CPEB3: variants seen among roughly 807,000 people sequenced by gnomAD.
The protein encoded by CPEB3 is cytoplasmic polyadenylation element binding protein 3, also known as cytoplasmic polyadenylation element-binding protein 3.
A neutral mutation model predicts 67.2 loss-of-function variants in CPEB3; 20 were observed. That is an observed-to-expected ratio of 0.30 (90% confidence interval 0.21 to 0.43). The LOEUF is 0.43. Among genes scored for constraint, CPEB3 ranks in the 20% least tolerant of loss-of-function variants. The pLI is 1.00. For missense variants in CPEB3, 746 were observed against 968.6 expected (o/e 0.77, Z 3.05); for synonymous variants, 376 against 393.1 (o/e 0.96, Z 0.51).
chr10:92,081,651 AC>A (rs1843158200), intron 8 of CPEB3, 150 bp from the exon 9 acceptor site: 6 of 711,218 alleles, frequency 8.4e-6, no homozygotes, highest in Non-Finnish European at 1.4e-5. Flanking sequence ...CACCAGTCTT[AC>A]AACTCAAGTA....
intron 4 of CPEB3, among the ~76,000 whole-genome samples, chr10:92,162,715 T>G (rs1319209547): frequency 6.6e-6 from 1 of 152,214 alleles, no homozygotes; most frequent in East Asian, 1.9e-4. Flanking sequence ...GGTACTTTGC[T>G]GGGCACATGA....
intron 7 of CPEB3, among the ~76,000 whole-genome samples, chr10:92,093,594 C>G (rs751993782): frequency 1.3e-5 from 2 of 151,544 alleles, no homozygotes; most frequent in Non-Finnish European, 2.9e-5. Flanking sequence ...CTCCACCCCC[C>G]AGGTTCAAGA....
At chr10:92,143,206 T>A in intron 5 of CPEB3, 88 bp from the exon 6 acceptor site, 1 of 991,018 alleles carries the variant, frequency 1.0e-6, no homozygotes, top group Middle Eastern at 2.4e-4. Flanking sequence ...CTTTTTAGTT[T>A]AAAAAAATGT....
At chr10:92,058,108 A>C (rs919495024) in intron 9 of CPEB3, among the ~76,000 whole-genome samples, 1 of 152,216 alleles carries the variant, frequency 6.6e-6, no homozygotes, top group Non-Finnish European at 1.5e-5. Context: ...ATAAGGCACC[A>C]GGGACCAATC....
intron 4 of CPEB3, among the ~76,000 whole-genome samples, chr10:92,151,297 C>G (rs926820305): frequency 6.6e-6 from 1 of 152,176 alleles, no homozygotes; most frequent in Admixed American, 6.5e-5. Flanking sequence ...TGGCCCAGCA[C>G]TTCTACTCCA....
At chr10:92,272,527 G>A (rs2135002465) in intron 1 of CPEB3, among the ~76,000 whole-genome samples, 1 of 152,274 alleles carries the variant, frequency 6.6e-6, no homozygotes, top group East Asian at 1.9e-4. Flanking sequence ...ACTCAAGAGT[G>A]TGTATTGATA....
At chr10:92,291,173 C>G, upstream of CPEB3, 1 of 471,060 alleles carries the variant, frequency 2.1e-6, no homozygotes. Flanking sequence ...TCTTACCTCA[C>G]AAAGGTAGCT....
At chr10:92,135,095 T>A (rs905747982) in intron 6 of CPEB3, among the ~76,000 whole-genome samples, 1 of 152,266 alleles carries the variant, frequency 6.6e-6, no homozygotes, top group East Asian at 1.9e-4. Flanking sequence ...ATTCAGGACA[T>A]AGGCATGGGC....
At chr10:92,063,283 C>A (rs1241175154) in intron 9 of CPEB3, among the ~76,000 whole-genome samples, 1 of 152,196 alleles carries the variant, frequency 6.6e-6, no homozygotes, top group Non-Finnish European at 1.5e-5. Context: ...AGAATAGACA[C>A]TAGGGAGACC....
chr10:92,081,638 C>A (rs574045217), intron 8 of CPEB3, 137 bp from the exon 9 acceptor site: 2 of 751,566 alleles, frequency 2.7e-6, no homozygotes, highest in African/African-American at 1.8e-5. Context: ...TGAAGAATGT[C>A]CACACCAGTC....
intron 3 of CPEB3, among the ~76,000 whole-genome samples, chr10:92,189,910 G>A (rs1564850312): frequency 6.7e-6 from 1 of 149,820 alleles, no homozygotes. Context: ...GAGTAAAAAT[G>A]TATTTTTTTC....
chr10:92,086,293 C>T (rs1042865695), intron 8 of CPEB3, among the ~76,000 whole-genome samples: 1 of 152,190 alleles, frequency 6.6e-6, no homozygotes, highest in African/African-American at 2.4e-5. Flanking sequence ...AGGTTTACCA[C>T]AATTGTCAAG....
chr10:92,105,715 GT>G lies in CPEB3; in HGVS notation c.1572+5360del, dbSNP rs999673116. Among the ~76,000 whole-genome samples, 424 of 109,692 alleles carry G rather than the reference GT, an allele frequency of 3.9e-3. 2 individuals carry two copies. The highest frequency in any genetic ancestry group is 0.011 in the Middle Eastern group (2 of 178). 72.0% of individuals were successfully genotyped at this position (109,692 alleles called of 152,430 possible). The stretch of plus-strand genomic sequence containing the variant: ...GTGTATTTATATACTTGTTTTGTGG[GT>G]TTTTTTTTTTTTTTTTTTTCTGAGA... On this transcript the variant is annotated intron_variant, in intron 7 of 9. Transcript: ENST00000265997.
intron 2 of CPEB3, among the ~76,000 whole-genome samples, chr10:92,212,270 GGTACAACAAGACAGT>G (rs1236513717): frequency 6.8e-6 from 1 of 147,124 alleles, no homozygotes; most frequent in Non-Finnish European, 1.5e-5. Context: ...ACAAGACAGT[GGTACAACAAGACAGT>G]GTACAACAAG....
Position 92,111,251 on chromosome 10 carries a change from T to C in CPEB3, c.1454-57A>G. The C allele has an allele frequency of 3.7e-6, 4 of 1,081,944 alleles. No individual in the cohort carries two copies. The South Asian group carries it at 3.9e-5, about 10-fold the overall frequency. 67.0% of individuals were successfully genotyped at this position (1,081,944 alleles called of 1,614,324 possible). ...AAGAATCAGTACATTAAACTCAAAG[T>C]ACCAATTACAAATTATCTGTTGTTT... On this transcript the variant is annotated intron_variant, in intron 6 of 9. Transcript: ENST00000265997.
At chr10:92,074,119 T>C (rs369323862) in intron 9 of CPEB3, among the ~76,000 whole-genome samples, 1 of 151,520 alleles carries the variant, frequency 6.6e-6, no homozygotes, top group Non-Finnish European at 1.5e-5. Context: ...AAAAAATGGT[T>C]TTTTTTTAAG....
intron 2 of CPEB3, among the ~76,000 whole-genome samples, chr10:92,210,943 G>A (rs1330144898): frequency 6.6e-6 from 1 of 152,230 alleles, no homozygotes; most frequent in East Asian, 1.9e-4. Flanking sequence ...GGCTGAGGCA[G>A]GAGAATCGCT....
intron 4 of CPEB3, among the ~76,000 whole-genome samples, chr10:92,168,866 G>A (rs1451732121): frequency 1.4e-5 from 2 of 143,814 alleles, no homozygotes; most frequent in Non-Finnish European, 3.0e-5. Context: ...TGCGATCTCA[G>A]CTCACTGCAA....
At chr10:92,216,454 C>T in intron 2 of CPEB3, 1 of 1,612,830 alleles carries the variant, frequency 6.2e-7, no homozygotes, top group Non-Finnish European at 8.5e-7. Flanking sequence ...TGGCTTCTCG[C>T]CGCCTCAAGC....
Sources: allele counts gnomAD v4.1 joint callset (sites outside exome capture counted in the v4.1 genomes callset), GRCh38; gene constraint gnomAD v4.1.1; transcripts MANE v1.5; gene names NCBI Gene and HGNC (gene_info 2026-07-23, HGNC 2026-07-21).